Variants in THEMIS observed in about 807,000 individuals in gnomAD.
The protein encoded by THEMIS is protein THEMIS.
THEMIS carries 37 observed loss-of-function variants against 52.6 expected under a neutral mutation model. The observed-to-expected ratio is 0.70, with a 90% confidence interval of 0.54 to 0.93. The LOEUF is 0.93. Among genes scored for constraint, THEMIS ranks in the 40% least tolerant of loss-of-function variants. THEMIS has a pLI of 0.00. For missense variants in THEMIS, 808 were observed against 763.1 expected (o/e 1.06, Z -0.69); for synonymous variants, 292 against 272.7 (o/e 1.07, Z -0.70).
chr6:127,731,502 G>A (rs1774793608), intron 4 of THEMIS, among the ~76,000 whole-genome samples: 1 of 150,750 alleles, frequency 6.6e-6, no homozygotes, highest in Admixed American at 6.6e-5. Context: ...TAAGTGTCAG[G>A]CATTATTCTA....
intron 4 of THEMIS, among the ~76,000 whole-genome samples, chr6:127,812,030 T>A (rs116617706): frequency 0.012 from 1,773 of 152,314 alleles, 42 homozygotes; most frequent in African/African-American, 0.041. Context: ...AAACACAGCC[T>A]CTCTTTGTTT....
At chr6:127,899,342 A>G (rs1373482326) in intron 1 of THEMIS, among the ~76,000 whole-genome samples, 1 of 151,956 alleles carries the variant, frequency 6.6e-6, no homozygotes, top group African/African-American at 2.4e-5. Flanking sequence ...CATCATTTCT[A>G]TATTAACATG....
downstream of THEMIS, among the ~76,000 whole-genome samples, chr6:127,705,492 A>G (rs1321250999): frequency 6.6e-6 from 1 of 152,204 alleles, no homozygotes; most frequent in Non-Finnish European, 1.5e-5. Flanking sequence ...CCTCTCCCTG[A>G]TAAGTTACCA....
chr6:127,699,423 G>A, the THEMIS span, among the ~76,000 whole-genome samples: 2 of 150,046 alleles, frequency 1.3e-5, no homozygotes, highest in Admixed American at 6.7e-5. Flanking sequence ...TTTGACAAAA[G>A]TAAATAATTA....
At chr6:127,777,206 TGTTTC>T (rs1166388246) in intron 4 of THEMIS, among the ~76,000 whole-genome samples, 5 of 152,148 alleles carry the variant, frequency 3.3e-5, no homozygotes, top group Admixed American at 2.0e-4. Context: ...TTTTTCTGTT[TGTTTC>T]ATTTTTACTT....
At chr6:127,884,450 C>G (rs565260953) in intron 1 of THEMIS, among the ~76,000 whole-genome samples, 1 of 152,166 alleles carries the variant, frequency 6.6e-6, no homozygotes, top group East Asian at 1.9e-4. Flanking sequence ...TTAGGCACCC[C>G]CTCTTTTAGT....
intron 1 of THEMIS, among the ~76,000 whole-genome samples, chr6:127,863,320 T>C (rs1227691439): frequency 6.6e-6 from 1 of 152,188 alleles, no homozygotes; most frequent in Non-Finnish European, 1.5e-5. Context: ...ATACAGTATC[T>C]GTATCAAGCA....
At chr6:127,868,483 A>G in intron 1 of THEMIS, 1 of 985,434 alleles carries the variant, frequency 1.0e-6, no homozygotes, top group Non-Finnish European at 1.2e-6. Context: ...CCAACCTTCC[A>G]CAAATGAACT....
chr6:127,712,032 G>A (rs993653110), intron 5 of THEMIS, among the ~76,000 whole-genome samples: 3 of 151,880 alleles, frequency 2.0e-5, no homozygotes, highest in African/African-American at 4.8e-5. Context: ...TTTGTAAAAT[G>A]TAAAGTGCTA....
chr6:127,880,551 C>A, intron 1 of THEMIS, among the ~76,000 whole-genome samples: 1 of 145,082 alleles, frequency 6.9e-6, no homozygotes. Context: ...TTAAGCTTTT[C>A]CTGATGCCAA....
chr6:127,756,179 G>A (rs1182732851), intron 4 of THEMIS, among the ~76,000 whole-genome samples: 5 of 152,140 alleles, frequency 3.3e-5, no homozygotes, highest in Non-Finnish European at 7.3e-5. Context: ...TATGTTACAA[G>A]TATAATTATA....
At chr6:127,912,823 G>C (rs952046979) in intron 1 of THEMIS, among the ~76,000 whole-genome samples, 1 of 152,144 alleles carries the variant, frequency 6.6e-6, no homozygotes, top group Non-Finnish European at 1.5e-5. Context: ...TTGTATACCT[G>C]TTTGTATTTT....
At chr6:127,728,341 T>C (rs568115430) in intron 4 of THEMIS, among the ~76,000 whole-genome samples, 5 of 152,328 alleles carry the variant, frequency 3.3e-5, no homozygotes, top group African/African-American at 9.6e-5. Flanking sequence ...ATTCACGTTG[T>C]AATAAATCAA....
intron 1 of THEMIS, among the ~76,000 whole-genome samples, chr6:127,870,538 T>C (rs1026642200): frequency 1.3e-5 from 2 of 152,164 alleles, no homozygotes; most frequent in Admixed American, 1.3e-4. Flanking sequence ...AAATACGTTT[T>C]TTTAAAAACA....
At chr6:127,768,273 G>A (rs1776265193) in intron 4 of THEMIS, among the ~76,000 whole-genome samples, 1 of 152,038 alleles carries the variant, frequency 6.6e-6, no homozygotes, top group Admixed American at 6.6e-5. Flanking sequence ...TTGTATTTCA[G>A]GGATTCAGCT....
chr6:127,703,053 T>TTTTTTTTG, the THEMIS span, among the ~76,000 whole-genome samples: 1 of 120,302 alleles, frequency 8.3e-6, no homozygotes. Flanking sequence ...TTTTTTTTTT[T>TTTTTTTTG]TTTTTTTTTT....
chr6:127,847,056 G>A (rs572111556), intron 2 of THEMIS, among the ~76,000 whole-genome samples: 30 of 151,804 alleles, frequency 2.0e-4, no homozygotes, highest in South Asian at 1.3e-3. Flanking sequence ...CAATAGATGC[G>A]GAAAAAGCAT....
chr6:127,909,598 G>T (rs1285651717), intron 1 of THEMIS, among the ~76,000 whole-genome samples: 1 of 152,036 alleles, frequency 6.6e-6, no homozygotes, highest in Non-Finnish European at 1.5e-5. Context: ...CTAGTCCTGG[G>T]TATCCTTATA....
At chr6:127,904,011 T>G (rs1781209459), upstream of THEMIS, among the ~76,000 whole-genome samples, 1 of 152,080 alleles carries the variant, frequency 6.6e-6, no homozygotes, top group African/African-American at 2.4e-5. Flanking sequence ...TATTCTGCAC[T>G]TCTTTTCCCT....
Sources: gnomAD v4.1 joint callset for allele counts (sites outside exome capture counted in the v4.1 genomes callset) on GRCh38, gnomAD v4.1.1 for gene constraint, MANE v1.5 for transcripts, NCBI Gene and HGNC (gene_info 2026-07-23, HGNC 2026-07-21) for gene names.